The following KAZN variants were observed in gnomAD, a reference collection of about 807,000 sequenced individuals.
The protein encoded by KAZN is kazrin.
Under a neutral mutation model 87.4 loss-of-function variants are expected in KAZN, and 40 were observed. That is an observed-to-expected ratio of 0.46 (90% CI 0.36 to 0.60). KAZN has a LOEUF of 0.60. Among genes scored for constraint, KAZN ranks in the 20% least tolerant of loss-of-function variants. KAZN has a pLI of 0.00. For synonymous variants in KAZN, 466 were observed against 458.3 expected, an observed-to-expected ratio of 1.02 and a Z score of -0.22; for missense variants, 898 against 1,073.9, an observed-to-expected ratio of 0.84 and a Z score of 2.29.
chr1:13,945,383 A>G (rs1008507798), intron 1 of KAZN, among the ~76,000 whole-genome samples: 1 of 151,782 alleles, frequency 6.6e-6, no homozygotes, highest in African/African-American at 2.4e-5. Context: ...CTGAGGCAGG[A>G]GAATCACTTG....
At chr1:14,561,344 A>G (rs1183248130) in intron 2 of KAZN, among the ~76,000 whole-genome samples, 24 of 152,184 alleles carry the variant, frequency 1.6e-4, no homozygotes, top group Admixed American at 1.6e-3. Context: ...AGGGACAGAA[A>G]AGGCATTGAG....
chr1:14,250,953 A>G (rs1649976230), intron 2 of KAZN, among the ~76,000 whole-genome samples: 1 of 152,202 alleles, frequency 6.6e-6, no homozygotes, highest in Non-Finnish European at 1.5e-5. Flanking sequence ...AGTCTAGGAA[A>G]TATTTTTCAT....
At chr1:14,795,314 T>G (rs988192442) in intron 1 of KAZN, among the ~76,000 whole-genome samples, 1 of 152,038 alleles carries the variant, frequency 6.6e-6, no homozygotes, top group Non-Finnish European at 1.5e-5. Context: ...CTGTAAGGGG[T>G]GTGCAGATGG....
intron 1 of KAZN, among the ~76,000 whole-genome samples, chr1:14,760,624 T>C (rs572465834): frequency 1.3e-5 from 2 of 152,252 alleles, no homozygotes; most frequent in East Asian, 3.9e-4. Context: ...CAATCCAATA[T>C]GTAAGACCCT....
At chr1:14,786,890 A>C (rs1029382710) in intron 1 of KAZN, among the ~76,000 whole-genome samples, 1 of 152,250 alleles carries the variant, frequency 6.6e-6, no homozygotes, top group Non-Finnish European at 1.5e-5. Flanking sequence ...AAGGGCCATT[A>C]GAAGAAATGT....
At chr1:14,369,489 A>G (rs147337232) in intron 2 of KAZN, among the ~76,000 whole-genome samples, 5 of 152,190 alleles carry the variant, frequency 3.3e-5, no homozygotes, top group African/African-American at 1.2e-4. Flanking sequence ...AGATTTGTGA[A>G]GCGGCTTCTC....
At chr1:14,149,203 G>A (rs1208646876) in intron 1 of KAZN, among the ~76,000 whole-genome samples, 2 of 145,610 alleles carry the variant, frequency 1.4e-5, no homozygotes, top group Admixed American at 1.4e-4. Flanking sequence ...CTGGGTTTAA[G>A]TGATTCTCCT....
chr1:14,599,148 G>A lies in KAZN; in HGVS notation c.151G>A (p.Gly51Arg). 1 of 1,424,618 alleles carries A rather than the reference G, an allele frequency of 7.0e-7. No individual in the cohort carries two copies. 88.2% of individuals were successfully genotyped at this position (1,424,618 alleles called of 1,614,324 possible). ...CGGCGGCGGCCCCGGCCCGGGCCCGGGAGCCGCGGCCAGCGCCTCGGCGGC... is the reference window on the plus strand; with the variant it reads ...CGGCGGCGGCCCCGGCCCGGGCCCGAGAGCCGCGGCCAGCGCCTCGGCGGC... ...SGGGGPGPGP[G>R]AAASASAAGD... The change falls in exon 1 of 15, where the codon GGA becomes AGA. Residue 51 changes from glycine to arginine, a missense_variant. Gly to Arg is a moderately radical substitution (Grantham distance 125). This residue lies in a region of KAZN where 250 missense variants were observed against 263.0 expected (regional missense o/e 0.95). Transcript: ENST00000376030. This position sits in a 1 kb window ranked among gnomAD's most constrained non-coding sequence, Gnocchi z 4.4.
intron 2 of KAZN, among the ~76,000 whole-genome samples, chr1:14,560,534 C>T (rs370616539): frequency 7.2e-5 from 11 of 152,068 alleles, no homozygotes; most frequent in African/African-American, 2.4e-4. Flanking sequence ...GCCGAGATCG[C>T]GCCACTGCAC....
chr1:14,824,084 A>T (rs1646813160), intron 1 of KAZN, among the ~76,000 whole-genome samples: 1 of 144,496 alleles, frequency 6.9e-6, no homozygotes, highest in Admixed American at 7.3e-5. Context: ...ATTGCACTCC[A>T]CCCTGGGCAA....
At chr1:14,398,461 A>G (rs566370222) in intron 2 of KAZN, among the ~76,000 whole-genome samples, 2 of 152,334 alleles carry the variant, frequency 1.3e-5, no homozygotes, top group East Asian at 3.9e-4. Context: ...CACCTGAAAC[A>G]GTGCCTGGTA....
At chr1:14,151,999 T>A (rs983506232) in intron 1 of KAZN, among the ~76,000 whole-genome samples, 1 of 152,232 alleles carries the variant, frequency 6.6e-6, no homozygotes. Flanking sequence ...CTAATAAAGT[T>A]TTTGCCTTGC....
chr1:14,850,118 T>C (rs1649270726), intron 1 of KAZN, among the ~76,000 whole-genome samples: 2 of 152,174 alleles, frequency 1.3e-5, no homozygotes, highest in Middle Eastern at 3.4e-3. Flanking sequence ...GTATTTTTAA[T>C]AGAGACAGGG....
chr1:14,414,838 A>T (rs11578816), intron 2 of KAZN, among the ~76,000 whole-genome samples: 38,897 of 151,990 alleles, frequency 0.26, 6,346 homozygotes, highest in Non-Finnish European at 0.37. Flanking sequence ...CAGCCTAACC[A>T]ATATGGTGAA....
At chr1:14,401,312 TA>T (rs1221264598) in intron 2 of KAZN, among the ~76,000 whole-genome samples, 1 of 151,872 alleles carries the variant, frequency 6.6e-6, no homozygotes, top group Non-Finnish European at 1.5e-5. Flanking sequence ...CTTATATATA[TA>T]ATGTAGAAGA....
At chr1:14,683,985 A>T (rs567279859) in intron 1 of KAZN, among the ~76,000 whole-genome samples, 4 of 152,192 alleles carry the variant, frequency 2.6e-5, no homozygotes, top group African/African-American at 9.7e-5. Flanking sequence ...CTGAAATACA[A>T]CAAGAGTTGT....
chr1:14,538,361 T>C (rs966964591), intron 2 of KAZN, among the ~76,000 whole-genome samples: 1 of 152,214 alleles, frequency 6.6e-6, no homozygotes, highest in Non-Finnish European at 1.5e-5. Context: ...TATTAGAATG[T>C]CATCTATTTT....
chr1:14,027,434 A>C (rs770313562), intron 1 of KAZN, among the ~76,000 whole-genome samples: 2 of 152,258 alleles, frequency 1.3e-5, no homozygotes, highest in South Asian at 4.1e-4. Context: ...TAAATTAAAC[A>C]TATTAATTTC....
At chr1:14,488,247 T>C (rs567066720) in intron 2 of KAZN, among the ~76,000 whole-genome samples, 1 of 152,192 alleles carries the variant, frequency 6.6e-6, no homozygotes, top group Non-Finnish European at 1.5e-5. Flanking sequence ...ATCTGTCTCT[T>C]AGTCACTTGC....
Sources: gnomAD v4.1 joint callset for allele counts (sites outside exome capture counted in the v4.1 genomes callset) on GRCh38, gnomAD v4.1.1 for gene constraint, gnomAD v4.1.1 regional missense constraint, Gnocchi (gnomAD v3.1) non-coding constraint, MANE v1.5 for transcripts, NCBI Gene and HGNC (gene_info 2026-07-23, HGNC 2026-07-21) for gene names.